Variants in ADARB1 observed in about 807,000 individuals in gnomAD.
ADARB1 encodes the protein double-stranded RNA-specific editase 1.
In ADARB1, 10 loss-of-function variants were observed where a neutral mutation model predicts 52.4. The ratio of observed to expected loss-of-function variants is 0.19; its 90% confidence interval spans 0.12 to 0.32. The LOEUF is 0.32. ADARB1 is among the 10% of genes least tolerant of loss of function. The probability of loss-of-function intolerance (pLI) is 1.00; values close to 1 mark genes in which losing one functional copy is unlikely to be tolerated. For missense variants in ADARB1, 643 were observed against 922.3 expected (o/e 0.70, Z 3.92); for synonymous variants, 349 against 371.1 (o/e 0.94, Z 0.68).
chr21:45,225,487 A>G lies in ADARB1; in HGVS notation c.*3290A>G. 1 of 1,314,180 alleles carries G rather than the reference A, an allele frequency of 7.6e-7. No individual in the cohort carries two copies. The highest frequency in any genetic ancestry group is 9.8e-7 in the Non-Finnish European group (1 of 1,022,270). 81.4% of individuals were successfully genotyped at this position (1,314,180 alleles called of 1,614,324 possible). ...TATTCAAATAACCATATTTATCTCC[A>G]GGCTGTGGAATCGCCACTTTCTTTG... is the stretch of plus-strand genomic sequence containing the variant. On this transcript the variant is annotated 3_prime_UTR_variant, in exon 11 of 11. Coordinates refer to ENST00000348831, the MANE Select transcript of ADARB1 (RefSeq NM_001112.4).
intron 1 of ADARB1, among the ~76,000 whole-genome samples, chr21:45,123,274 C>CGTGTGTGT (rs10647195): frequency 2.0e-5 from 3 of 148,990 alleles, no homozygotes; most frequent in African/African-American, 7.4e-5. Context: ...ATATATACTA[C>CGTGTGTGT]GTGTGTGTGT....
rs1460143236 is a variant in ADARB1 at position 45,172,442 on chromosome 21, T to G, written c.28+758T>G. Among the ~76,000 whole-genome samples, 2 of 152,230 alleles carry G rather than the reference T, an allele frequency of 1.3e-5. No homozygotes were observed. The highest frequency in any genetic ancestry group is 2.4e-5 in the African/African-American group (1 of 41,458). ...AGGAATAACATGCAGCTGTCAATGATGAGTGACATGTCACTGGGAGTGATT... is the reference window on the plus strand; with the variant it reads ...AGGAATAACATGCAGCTGTCAATGAGGAGTGACATGTCACTGGGAGTGATT... On this transcript the variant is annotated intron_variant, in intron 3 of 10. Transcript: ENST00000348831. The surrounding 1 kb of genome is among the most constrained non-coding windows in gnomAD (Gnocchi z 4.4).
intron 2 of ADARB1, among the ~76,000 whole-genome samples, chr21:45,165,589 AT>A (rs1249578342): frequency 1.3e-5 from 2 of 152,230 alleles, no homozygotes; most frequent in Non-Finnish European, 2.9e-5. Context: ...GGTTTAGATA[AT>A]ACTGAAAGCA....
intron 1 of ADARB1, among the ~76,000 whole-genome samples, chr21:45,103,454 C>G (rs2087113258): frequency 6.6e-6 from 1 of 151,554 alleles, no homozygotes; most frequent in African/African-American, 2.4e-5. Flanking sequence ...GCTTGTTTTC[C>G]TGCAACTAGA....
chr21:45,166,139 G>GGAA (rs1020525879), intron 2 of ADARB1, among the ~76,000 whole-genome samples: 1 of 151,926 alleles, frequency 6.6e-6, no homozygotes, highest in Admixed American at 6.6e-5. Flanking sequence ...TTTCATTAAG[G>GGAA]GAAGGGGAGA....
At chr21:45,156,524 A>ATCT (rs1555901625) in intron 2 of ADARB1, among the ~76,000 whole-genome samples, 434 of 23,064 alleles carry the variant, frequency 0.019, 14 homozygotes, top group African/African-American at 0.08. Context: ...CCCACCCATC[A>ATCT]TCACCCATCA....
intron 2 of ADARB1, among the ~76,000 whole-genome samples, chr21:45,163,122 A>G (rs2091066302): frequency 6.6e-6 from 1 of 152,254 alleles, no homozygotes; most frequent in South Asian, 2.1e-4. Context: ...GCCTGGGAAA[A>G]CAGTTGTTAA....
chr21:45,096,751 CTT>C (rs764828912), intron 1 of ADARB1, among the ~76,000 whole-genome samples: 15 of 152,158 alleles, frequency 9.9e-5, no homozygotes, highest in Non-Finnish European at 2.1e-4. Flanking sequence ...TTTCTCCTCT[CTT>C]TATTTTTATT....
Position 45,176,086 on chromosome 21 carries a change from A to G in ADARB1, c.385A>G (p.Lys129Glu). 6.2e-7 allele frequency: 1 copy of G among 1,613,870 alleles called. No homozygotes were observed. Among genetic ancestry groups the G allele is most frequent in the Non-Finnish European group, 8.5e-7 (1 of 1,179,968 alleles). ...VFEGSGPTKKKAKLHAAEKAL... is the reference protein window; with the variant it reads ...VFEGSGPTKKEAKLHAAEKAL... ...TGAGGGCTCTGGTCCCACAAAGAAA[A>G]AGGCAAAACTCCATGCTGCTGAGAA... The change falls in exon 4 of 11, where the codon AAG (lysine) becomes GAG (glutamate). Residue 129 changes from lysine to glutamate, a missense_variant. Lys to Glu is a moderately conservative substitution (Grantham distance 56, BLOSUM62 1). This residue lies in a region of ADARB1 where 380 missense variants were observed against 446.5 expected (regional missense o/e 0.85). Coordinates refer to ENST00000348831, the MANE Select transcript of ADARB1 (RefSeq NM_001112.4). This position sits in a 1 kb window ranked among gnomAD's most constrained non-coding sequence, Gnocchi z 5.8.
At chr21:45,216,269 G>C (rs1361572208) in intron 9 of ADARB1, among the ~76,000 whole-genome samples, 1 of 151,864 alleles carries the variant, frequency 6.6e-6, no homozygotes, top group East Asian at 1.9e-4. Flanking sequence ...CAACTTTTAG[G>C]TTCAGTGATT....
At chr21:45,169,369 G>A (rs2091390359) in intron 2 of ADARB1, among the ~76,000 whole-genome samples, 2 of 152,316 alleles carry the variant, frequency 1.3e-5, no homozygotes, top group South Asian at 4.1e-4. Context: ...GAAGTTTTCT[G>A]TCTTGCTGGG....
rs146833463 is a variant in ADARB1, at chr21:45,142,220, T to G, written c.-48+13647T>G. On this transcript the variant is annotated intron_variant, in intron 2 of 10. Coordinates refer to ENST00000348831, the MANE Select transcript of ADARB1 (RefSeq NM_001112.4). The surrounding 1 kb of genome is among the most constrained non-coding windows in gnomAD (Gnocchi z 4.0). ...GCTCAATTCAAGTGTCTCCTTTTTT[T>G]GGGCTCCTGCCTTCTTTTTGTTTTT... Among the ~76,000 whole-genome samples the G allele has an allele frequency of 3.2e-4, 48 of 152,372 alleles. No individual in the cohort carries two copies. The East Asian group carries it at 7.5e-3, about 24-fold the overall frequency.
At chr21:45,105,148 TGGAGA>T in intron 1 of ADARB1, among the ~76,000 whole-genome samples, 1 of 152,134 alleles carries the variant, frequency 6.6e-6, no homozygotes, top group East Asian at 1.9e-4. Flanking sequence ...TCACCCAGGC[TGGAGA>T]GCAGTGGCAT....
chr21:45,180,317 G>T lies in ADARB1; in HGVS notation c.964-13G>T. ...CATCTGGCCCCTAACCTGCATCTGTGCTTCCCACACAGGTTTTAGCTGACG... is the reference window on the plus strand; with the variant it reads ...CATCTGGCCCCTAACCTGCATCTGTTCTTCCCACACAGGTTTTAGCTGACG... On this transcript the variant is annotated splice_polypyrimidine_tract_variant and intron_variant, in intron 4 of 10. Transcript: ENST00000348831. 1 of 1,605,442 alleles carries T rather than the reference G, an allele frequency of 6.2e-7. No individual in the cohort carries two copies. The highest frequency in any genetic ancestry group is 2.2e-5 in the East Asian group (1 of 44,786).
At chr21:45,098,318 C>G (rs763879351) in intron 1 of ADARB1, among the ~76,000 whole-genome samples, 7 of 152,222 alleles carry the variant, frequency 4.6e-5, no homozygotes, top group Admixed American at 6.5e-5. Flanking sequence ...GGCCCATGGC[C>G]TCCTCCCTTG....
rs1353227610 is a variant in ADARB1, at chr21:45,074,770, A to AGGCGC, written c.-234_-230dup. 6.9e-6 allele frequency: 1 copy of AGGCGC among 145,640 alleles called. No homozygotes were observed. Among genetic ancestry groups the AGGCGC allele is most frequent in the Non-Finnish European group, 1.5e-5 (1 of 65,444 alleles). 9.0% of individuals were successfully genotyped at this position (145,640 alleles called of 1,614,324 possible). ...GCGTGGGGCGCGCGTGCGGAGGACC[A>AGGCGC]GGCGCGGCGCGGCTGCGGCTGAGGT... On this transcript the variant is annotated 5_prime_UTR_variant, in exon 1 of 11. Transcript: ENST00000348831.
intron 8 of ADARB1, among the ~76,000 whole-genome samples, chr21:45,185,368 T>TA (rs1489634762): frequency 6.6e-6 from 1 of 152,256 alleles, no homozygotes; most frequent in Non-Finnish European, 1.5e-5. Context: ...GCTTCTGGGT[T>TA]AAACTGATGT....
intron 8 of ADARB1, among the ~76,000 whole-genome samples, chr21:45,187,442 T>A (rs1276710883): frequency 6.6e-6 from 1 of 152,250 alleles, no homozygotes; most frequent in African/African-American, 2.4e-5. Context: ...TATAAAATTA[T>A]GTCATCTGCA....
At chr21:45,106,086 G>A (rs1004045195) in intron 1 of ADARB1, among the ~76,000 whole-genome samples, 1 of 152,132 alleles carries the variant, frequency 6.6e-6, no homozygotes, top group African/African-American at 2.4e-5. Context: ...TCAACCTGAT[G>A]AAGTTGTTCT....
Sources: allele counts gnomAD v4.1 joint callset (sites outside exome capture counted in the v4.1 genomes callset), GRCh38; gene constraint gnomAD v4.1.1; regional missense constraint gnomAD v4.1.1; non-coding constraint Gnocchi (gnomAD v3.1); transcripts MANE v1.5; gene names NCBI Gene and HGNC (gene_info 2026-07-23, HGNC 2026-07-21).